The following GPHN variants were observed in gnomAD, a reference collection of about 807,000 sequenced individuals.
GPHN encodes gephyrin.
Under a neutral mutation model 95.5 loss-of-function variants are expected in GPHN, and 17 were observed. That is an observed-to-expected ratio of 0.18 (90% CI 0.12 to 0.27). The LOEUF is 0.27. GPHN is among the 10% of genes least tolerant of loss of function. The pLI is 1.00. For missense variants in GPHN, 660 were observed against 978.1 expected (o/e 0.67, Z 4.34); for synonymous variants, 320 against 322.5 (o/e 0.99, Z 0.08).
intron 2 of GPHN, among the ~76,000 whole-genome samples, chr14:66,765,526 A>G (rs1457635067): frequency 6.6e-6 from 1 of 152,182 alleles, no homozygotes; most frequent in African/African-American, 2.4e-5. Context: ...AGAAAACCAA[A>G]TGCCGTATGT....
chr14:67,664,822 G>A, the GPHN span, among the ~76,000 whole-genome samples: 408 of 152,224 alleles, frequency 2.7e-3, 10 homozygotes, highest in East Asian at 0.056. Flanking sequence ...TTCAGTTGCT[G>A]TCCTGAGATT....
intron 10 of GPHN, among the ~76,000 whole-genome samples, chr14:67,042,019 T>C (rs1201625063): frequency 6.6e-6 from 1 of 152,146 alleles, no homozygotes; most frequent in African/African-American, 2.4e-5. Flanking sequence ...ATGTCTTCTT[T>C]TGAGAAGTGT....
chr14:66,722,061 ATACT>A (rs1357625324), intron 2 of GPHN, among the ~76,000 whole-genome samples: 1 of 151,874 alleles, frequency 6.6e-6, no homozygotes, highest in Non-Finnish European at 1.5e-5. Flanking sequence ...TTATAAAACA[ATACT>A]TATATATAAG....
At chr14:67,611,411 A>G in the GPHN span, among the ~76,000 whole-genome samples, 151,714 of 151,810 alleles carry the variant, frequency 1, 75,810 homozygotes, top group Middle Eastern at 1. Context: ...CAGCCACCAC[A>G]TCTGGCTAAT....
At chr14:67,167,687 T>C (rs1175363198) in intron 20 of GPHN, among the ~76,000 whole-genome samples, 2 of 152,138 alleles carry the variant, frequency 1.3e-5, no homozygotes, top group Non-Finnish European at 2.9e-5. Flanking sequence ...CATTCCCCAC[T>C]CCAGGTTATA....
chr14:67,110,094 T>C, intron 13 of GPHN, 46 bp from the exon 14 acceptor site: 1 of 1,589,646 alleles, frequency 6.3e-7, no homozygotes, highest in African/African-American at 1.3e-5. Flanking sequence ...ACTTTTCCTT[T>C]GCAGCAGCAA....
intron 5 of GPHN, among the ~76,000 whole-genome samples, chr14:66,893,908 G>T (rs974448688): frequency 6.6e-6 from 1 of 152,148 alleles, no homozygotes; most frequent in Non-Finnish European, 1.5e-5. Context: ...TGGATAGGAA[G>T]AATCAATATC....
At chr14:66,876,106 C>T (rs746221703) in intron 4 of GPHN, among the ~76,000 whole-genome samples, 5 of 152,094 alleles carry the variant, frequency 3.3e-5, no homozygotes, top group African/African-American at 7.2e-5. Flanking sequence ...CACCCAAAAC[C>T]GCACAATTAT....
intron 4 of GPHN, chr14:66,842,864 G>A (rs2062154000): frequency 4.7e-6 from 3 of 636,550 alleles, no homozygotes; most frequent in East Asian, 2.7e-5. Context: ...ATGTTCTAGG[G>A]TCATTCTGTA....
intron 3 of GPHN, among the ~76,000 whole-genome samples, chr14:66,778,189 CAGAG>C (rs904707352): frequency 5.9e-5 from 9 of 152,158 alleles, no homozygotes; most frequent in African/African-American, 9.6e-5. Context: ...AACAGACAAA[CAGAG>C]AGCCAAATCA....
the GPHN span, among the ~76,000 whole-genome samples, chr14:67,503,093 C>T: frequency 0.043 from 6,617 of 152,158 alleles, 186 homozygotes; most frequent in East Asian, 0.092. Context: ...CAGATAGTGG[C>T]GCTGCACGGA....
At chr14:67,350,088 A>G in the GPHN span, among the ~76,000 whole-genome samples, 3 of 152,254 alleles carry the variant, frequency 2.0e-5, no homozygotes, top group Non-Finnish European at 4.4e-5. Flanking sequence ...GTAAATTGGC[A>G]TAACACATTT....
intron 4 of GPHN, chr14:66,842,726 G>T (rs990580900): frequency 2.6e-6 from 4 of 1,519,432 alleles, no homozygotes; most frequent in East Asian, 4.9e-5. Flanking sequence ...GGTAAGCGAA[G>T]ACTTCAATCC....
At chr14:67,673,171 T>C in the GPHN span, among the ~76,000 whole-genome samples, 1 of 152,120 alleles carries the variant, frequency 6.6e-6, no homozygotes, top group Non-Finnish European at 1.5e-5. Flanking sequence ...GGCAAAACCC[T>C]GTCTCTACTA....
chr14:66,691,526 T>C (rs2067782146), intron 2 of GPHN, among the ~76,000 whole-genome samples: 1 of 152,166 alleles, frequency 6.6e-6, no homozygotes, highest in African/African-American at 2.4e-5. Flanking sequence ...TAATGAATAT[T>C]TTATAGTACA....
At chr14:67,600,210 C>A in the GPHN span, 1 of 1,563,654 alleles carries the variant, frequency 6.4e-7, no homozygotes, top group African/African-American at 1.4e-5. Context: ...CCATGACGCC[C>A]CCACTCGGCC....
At position 66,629,067 on chromosome 14, in the gene GPHN, T is replaced by C. The variant is rs1595311998; in HGVS notation, c.65-52040T>C. The stretch of plus-strand genomic sequence containing the variant: ...CTGGGAGACAGAGTAAGACCCCATC[T>C]CAAAAAAAAATACATATATATATAT... On this transcript the variant is annotated intron_variant, in intron 1 of 22. Transcript: ENST00000478722. 3.1e-5 allele frequency among the ~76,000 whole-genome samples: 4 copies of C among 129,838 alleles called. No individual in the cohort carries two copies. In the South Asian group the frequency reaches 9.3e-4, roughly 30 times the overall value. 85.2% of individuals were successfully genotyped at this position (129,838 alleles called of 152,430 possible). A position where few individuals can be genotyped will look rare whatever the true frequency, so the allele number is the denominator to read the frequency against.
the GPHN span, chr14:67,541,763 C>T: frequency 5.6e-6 from 6 of 1,066,380 alleles, no homozygotes; most frequent in Non-Finnish European, 7.9e-6. Context: ...GGTCCCCTCC[C>T]GTTCTTTCCC....
At chr14:66,776,639 C>T (rs2153461291) in intron 3 of GPHN, 118 bp downstream of exon 3, 2 of 750,752 alleles carry the variant, frequency 2.7e-6, no homozygotes, top group East Asian at 2.5e-5. Flanking sequence ...ATTTAATTCT[C>T]AGTTATCATA....
Sources: allele counts gnomAD v4.1 joint callset (sites outside exome capture counted in the v4.1 genomes callset), GRCh38; gene constraint gnomAD v4.1.1; transcripts MANE v1.5; gene names NCBI Gene and HGNC (gene_info 2026-07-23, HGNC 2026-07-21).